NUP160: variants seen among roughly 807,000 people sequenced by gnomAD.
NUP160 encodes the protein nucleoporin 160, also known as nuclear pore complex protein Nup160.
NUP160 carries 94 observed loss-of-function variants against 196.9 expected under a neutral mutation model. That is an observed-to-expected ratio of 0.48 (90% confidence interval 0.40 to 0.57). NUP160 has a LOEUF of 0.57. NUP160 is among the 20% of genes least tolerant of loss of function. The pLI is 0.00. For synonymous variants in NUP160, 605 were observed against 619.7 expected, an observed-to-expected ratio of 0.98 and a Z score of 0.35; for missense variants, 1,638 against 1,748.3, an observed-to-expected ratio of 0.94 and a Z score of 1.13.
chr11:47,834,180 T>C (rs1852127690), intron 7 of NUP160, among the ~76,000 whole-genome samples: 1 of 152,088 alleles, frequency 6.6e-6, no homozygotes, highest in Non-Finnish European at 1.5e-5. Flanking sequence ...ACAAAAGCTC[T>C]TTGCAGTTCT....
chr11:47,784,844 T>A (rs867486412), intron 33 of NUP160, 78 bp downstream of exon 33: 2 of 1,133,856 alleles, frequency 1.8e-6, no homozygotes, highest in Middle Eastern at 4.3e-4. Flanking sequence ...AATCAGTCCA[T>A]ATTTTTAATC....
chr11:47,803,388 T>C, intron 22 of NUP160, 50 bp downstream of exon 22: 1 of 1,126,748 alleles, frequency 8.9e-7, no homozygotes. Context: ...CTAAGCAACT[T>C]CCTTGCGTTA....
chr11:47,797,269 C>T (rs1049017958), intron 27 of NUP160, among the ~76,000 whole-genome samples: 3 of 152,094 alleles, frequency 2.0e-5, no homozygotes, highest in Admixed American at 6.6e-5. Context: ...TTTTGCTTTT[C>T]GCCCAGGATG....
chr11:47,824,814 G>T (rs74543072), intron 7 of NUP160, among the ~76,000 whole-genome samples: 7 of 144,444 alleles, frequency 4.8e-5, no homozygotes, highest in Non-Finnish European at 9.1e-5. Flanking sequence ...TTTTTCTTTT[G>T]TTTTTTTTTT....
chr11:47,843,006 A>G (rs1009329786), intron 2 of NUP160, among the ~76,000 whole-genome samples: 7 of 152,110 alleles, frequency 4.6e-5, no homozygotes, highest in Non-Finnish European at 7.4e-5. Flanking sequence ...ACAAACAAAC[A>G]AATGAATAAA....
chr11:47,827,813 C>G (rs1012498139), intron 7 of NUP160, among the ~76,000 whole-genome samples: 2 of 151,750 alleles, frequency 1.3e-5, no homozygotes, highest in African/African-American at 2.4e-5. Context: ...TTTTAAAAAC[C>G]CTACAAGAAA....
Position 47,819,455 on chromosome 11 carries a change from A to G in NUP160, c.1281T>C (p.Asn427=), listed in dbSNP as rs765273126. The G allele has an allele frequency of 6.8e-6, 11 of 1,610,358 alleles. No homozygotes were observed. The highest frequency in any genetic ancestry group is 9.3e-6 in the Non-Finnish European group (11 of 1,176,606). ...AAACTGGATTCCACTGACCTGCAAC[A>G]TTACTAGAGACAAAAAAGTCCACCA... Residue 427 remains asparagine (N), a synonymous_variant, in exon 10 of 36, where the codon AAT becomes AAC. Coordinates refer to ENST00000378460, the Ensembl canonical transcript of NUP160.
At position 47,818,137 on chromosome 11, in the gene NUP160, T is replaced by G; in HGVS notation, c.1363-13A>C. On this transcript the variant is annotated splice_polypyrimidine_tract_variant and intron_variant, in intron 10 of 35. Coordinates refer to ENST00000378460, the Ensembl canonical transcript of NUP160. ...GCAGATACATCTCCTATTAGAACAT[T>G]AAAACAAAAGTTACTATTGTCCTAA... is the stretch of plus-strand genomic sequence containing the variant. The G allele has an allele frequency of 6.3e-7, 1 of 1,576,506 alleles. No homozygotes were observed. The highest frequency in any genetic ancestry group is 2.2e-5 in the East Asian group (1 of 44,632).
chr11:47,816,070 A>G (rs1376552801), intron 11 of NUP160, 41 bp from the exon 12 acceptor site: 1 of 1,359,862 alleles, frequency 7.4e-7, no homozygotes, highest in African/African-American at 1.4e-5. Context: ...ATAATAGCCA[A>G]AACTGAATGG....
exon 36 of NUP160, chr11:47,779,043 G>A (rs1266159136): frequency 5.9e-6 from 7 of 1,186,774 alleles, no homozygotes; most frequent in African/African-American, 1.5e-5. Context: ...CAGGGTTCCT[G>A]TAGGGTAGTC....
exon 20 of NUP160, chr11:47,806,256 T>A (rs187041749): frequency 6.2e-7 from 1 of 1,613,708 alleles, no homozygotes; most frequent in East Asian, 2.2e-5. Context: ...TGAGATATAA[T>A]GTGTTTTCTT....
intron 28 of NUP160, chr11:47,792,301 T>C: frequency 3.5e-6 from 1 of 285,986 alleles, no homozygotes; most frequent in Admixed American, 5.1e-5. Context: ...GACCCATCAG[T>C]ATGATAGGAA....
At chr11:47,817,505 C>T (rs1246879870) in intron 11 of NUP160, among the ~76,000 whole-genome samples, 3 of 151,974 alleles carry the variant, frequency 2.0e-5, no homozygotes, top group Non-Finnish European at 2.9e-5. Flanking sequence ...TGCCACCACG[C>T]CCGGCTAATT....
intron 4 of NUP160, among the ~76,000 whole-genome samples, chr11:47,838,278 G>A (rs1459113804): frequency 6.6e-6 from 1 of 152,186 alleles, no homozygotes; most frequent in Admixed American, 6.5e-5. Context: ...GCATATTCAA[G>A]GAATTACAAG....
chr11:47,826,400 A>G (rs1023845111), intron 7 of NUP160, among the ~76,000 whole-genome samples: 7 of 152,202 alleles, frequency 4.6e-5, no homozygotes, highest in African/African-American at 1.7e-4. Flanking sequence ...AAGAATCATA[A>G]TGCTCAAAAC....
intron 7 of NUP160, among the ~76,000 whole-genome samples, chr11:47,824,008 C>CATATATATATATATATAT (rs58246222): frequency 1.4e-5 from 1 of 73,130 alleles, no homozygotes; most frequent in Non-Finnish European, 2.4e-5. Context: ...AATTCTTTTG[C>CATATATATATATATATAT]ATATATATAT....
chr11:47,797,011 C>T (rs1251969717), intron 27 of NUP160, among the ~76,000 whole-genome samples: 1 of 152,010 alleles, frequency 6.6e-6, no homozygotes. Flanking sequence ...AAATTTTAGT[C>T]CCCTCTTTAA....
At chr11:47,845,513 C>T (rs1039941141) in intron 2 of NUP160, among the ~76,000 whole-genome samples, 2 of 152,180 alleles carry the variant, frequency 1.3e-5, no homozygotes, top group African/African-American at 4.8e-5. Flanking sequence ...TGTGCGAGAT[C>T]CAAGAACCCT....
intron 28 of NUP160, 107 bp from the exon 29 acceptor site, chr11:47,792,097 T>C: frequency 1.3e-6 from 1 of 757,636 alleles, no homozygotes; most frequent in East Asian, 2.7e-5. Flanking sequence ...ATGGAAATTA[T>C]TTTTGTTTCG....
Sources: allele counts gnomAD v4.1 joint callset (sites outside exome capture counted in the v4.1 genomes callset), GRCh38; gene constraint gnomAD v4.1.1; transcripts MANE v1.5; gene names NCBI Gene and HGNC (gene_info 2026-07-23, HGNC 2026-07-21).